Variants in LTBP3 observed in about 807,000 individuals in gnomAD.
LTBP3 encodes the protein latent transforming growth factor beta binding protein 3, also known as latent-transforming growth factor beta-binding protein 3.
LTBP3 carries 97 observed loss-of-function variants against 159.7 expected under a neutral mutation model. The observed-to-expected ratio is 0.61, with a 90% CI of 0.52 to 0.72. LTBP3 has a LOEUF of 0.72. LTBP3 is among the 30% of genes least tolerant of loss of function. LTBP3 has a pLI of 0.00. For synonymous variants in LTBP3, 824 were observed against 777.1 expected (o/e 1.06, Z -1.00); for missense variants, 1,584 against 1,864.3 (o/e 0.85, Z 2.77).
chr11:65,551,402 C>G lies in LTBP3; in HGVS notation c.1621G>C (p.Glu541Gln). The stretch of plus-strand genomic sequence containing the variant: ...CTCATCCCTACAGTGCCCAGCTCAC[C>G]GGGGTAGGGCCGGGCAGGAGTCGTG... ...ATTTPARPYPELISRPSPPTM... is the reference protein window; with the variant it reads ...ATTTPARPYPQLISRPSPPTM... Residue 541 changes from glutamate (E) to glutamine (Q), a missense_variant and splice_region_variant, in exon 10 of 28, where the codon GAG becomes CAG. By Grantham distance (29) the Glu-to-Gln change is conservative (BLOSUM62 2). Coordinates refer to ENST00000301873, the MANE Select transcript of LTBP3 (RefSeq NM_001130144.3). The G allele has an allele frequency of 3.1e-6, 5 of 1,612,924 alleles. No homozygotes were observed. The highest frequency in any genetic ancestry group is 1.1e-5 in the South Asian group (1 of 91,050).
In LTBP3 at chr11:65,546,728, C is replaced by A; in HGVS notation, c.2230+70G>T. 6.5e-7 allele frequency: 1 copy of A among 1,534,766 alleles called. No homozygotes were observed. Among genetic ancestry groups the A allele is most frequent in the Non-Finnish European group, 8.8e-7 (1 of 1,137,852 alleles). On this transcript the variant is annotated intron_variant, in intron 15 of 27. Coordinates refer to ENST00000301873, the MANE Select transcript of LTBP3 (RefSeq NM_001130144.3). The surrounding 1 kb of genome is among the most constrained non-coding windows in gnomAD (Gnocchi z 4.0). Reference sequence around the variant, plus strand: ...CAATCACCACCGCTACCCCGCCCCGCCCCCAGCGGAGCCAGACTGGGGGAG... The same window carrying A: ...CAATCACCACCGCTACCCCGCCCCGACCCCAGCGGAGCCAGACTGGGGGAG...
rs1433200814 is a variant in LTBP3, at chr11:65,540,003, T to C, written c.3385+10A>G. The C allele has an allele frequency of 6.7e-7, 1 of 1,489,694 alleles. No individual in the cohort carries two copies. The highest frequency in any genetic ancestry group is 8.9e-7 in the Non-Finnish European group (1 of 1,125,818). 92.3% of individuals were successfully genotyped at this position (1,489,694 alleles called of 1,614,324 possible). On this transcript the variant is annotated intron_variant, in intron 24 of 27. Coordinates refer to ENST00000301873, the MANE Select transcript of LTBP3 (RefSeq NM_001130144.3). ...CCCCGGGATCGGCCAAGGCCAACCCTCGCCCTCACCGGCCGGGCTCTCGGG... is the reference window on the plus strand; with the variant it reads ...CCCCGGGATCGGCCAAGGCCAACCCCCGCCCTCACCGGCCGGGCTCTCGGG...
rs575020965 is a variant in LTBP3 at position 65,551,002 on chromosome 11, G to A, written c.1720+124C>T. On this transcript the variant is annotated intron_variant, in intron 11 of 27. Coordinates refer to ENST00000301873, the MANE Select transcript of LTBP3 (RefSeq NM_001130144.3). The stretch of plus-strand genomic sequence containing the variant: ...CTCTGGTGCTCACCAGGCTTCCCCA[G>A]TGCCCAGCCCTGGATACACGCTAGC... 28 of 825,436 alleles carry A rather than the reference G, an allele frequency of 3.4e-5. No homozygotes were observed. The East Asian group carries it at 7.4e-4, about 22-fold the overall frequency. The allele number at this position is 825,436 out of a possible 1,614,324, so 51.1% of individuals were successfully genotyped here.
At position 65,546,423 on chromosome 11, in the gene LTBP3, C is replaced by G. The variant is rs1251276272; in HGVS notation, c.2353+19G>C. ...CGTAGGGGGCGGCGGAGGCCCGGGG[C>G]GGGGGTGCTGGCGCTCACCCAAGCA... On this transcript the variant is annotated intron_variant, in intron 16 of 27. Transcript: ENST00000301873. This position sits in a 1 kb window ranked among gnomAD's most constrained non-coding sequence, Gnocchi z 4.0. 3.9e-6 allele frequency: 6 copies of G among 1,531,886 alleles called. No homozygotes were observed. Among genetic ancestry groups the G allele is most frequent in the Non-Finnish European group, 5.2e-6 (6 of 1,145,338 alleles). The allele number at this position is 1,531,886 out of a possible 1,614,324, so 94.9% of individuals were successfully genotyped here. A position where few individuals can be genotyped will look rare whatever the true frequency, so the allele number is the denominator to read the frequency against.
chr11:65,540,743 G>T, intron 21 of LTBP3, 128 bp downstream of exon 21: 2 of 1,022,604 alleles, frequency 2.0e-6, no homozygotes, highest in South Asian at 3.5e-5. Context: ...ACAGGGCGGG[G>T]CCTGCGAGGA....
At position 65,540,998 on chromosome 11, in the gene LTBP3, A is replaced by AGC. The variant is rs752182757; in HGVS notation, c.2894-46_2894-45dup. ...CGTGGGGAGGGAAGAGGCAGGACTG[A>AGC]GCGCGCGCGTGGGCTTAGGGCTGCA... On this transcript the variant is annotated intron_variant, in intron 20 of 27. Coordinates refer to ENST00000301873, the MANE Select transcript of LTBP3 (RefSeq NM_001130144.3). 13 of 1,597,138 alleles carry AGC rather than the reference A, an allele frequency of 8.1e-6. No individual in the cohort carries two copies. In the South Asian group the frequency reaches 1.0e-4, roughly 12 times the overall value.
In LTBP3 at chr11:65,539,720, C is replaced by T; in HGVS notation, c.3547G>A (p.Gly1183Arg). 1.3e-6 allele frequency: 2 copies of T among 1,552,120 alleles called. No individual in the cohort carries two copies. The highest frequency in any genetic ancestry group is 1.7e-6 in the Non-Finnish European group (2 of 1,155,596). Residue 1183 changes from glycine (G) to arginine (R), a missense_variant and splice_region_variant, in exon 25 of 28, where the codon GGG (glycine) becomes AGG (arginine). Gly to Arg is a moderately radical substitution (Grantham distance 125). Transcript: ENST00000301873. ...QCRPCPPRGA[G>R]SHCPTSQSES... is the part of the protein sequence containing the mutation. ...GCCAACTCCTCCCCGACTGCCTTAC[C>T]CGCGCCGCGCGGCGGGCACGGTCGG...
In LTBP3 at chr11:65,547,903, G is replaced by A. The variant is rs1274592523; in HGVS notation, c.1846+17C>T. The A allele has an allele frequency of 1.5e-5, 25 of 1,613,554 alleles. No homozygotes were observed. The highest frequency in any genetic ancestry group is 4.5e-5 in the East Asian group (2 of 44,866). ...CCCCCCACCCACCTGCATGCCCGCC[G>A]CCTGCCCTGCGCTCACCCACGCAGT... On this transcript the variant is annotated intron_variant, in intron 12 of 27. Transcript: ENST00000301873. This position sits in a 1 kb window ranked among gnomAD's most constrained non-coding sequence, Gnocchi z 4.6.
Position 65,540,067 on chromosome 11 carries a change from G to T in LTBP3, c.3331C>A (p.Pro1111Thr). ...CGGCCGGAGGGCCCGGGCACCCAGGGCGGGCGACACTCGCAGCGGTAGGAG... is the reference window on the plus strand; with the variant it reads ...CGGCCGGAGGGCCCGGGCACCCAGGTCGGGCGACACTCGCAGCGGTAGGAG... ...PGSYRCECRP[P>T]WVPGPSGRDC... is the part of the protein sequence containing the mutation. The change falls in exon 24 of 28, where the codon CCC (proline) becomes ACC (threonine). Residue 1111 changes from proline to threonine, a missense_variant. By Grantham distance (38) the Pro-to-Thr change is conservative. This residue lies in a region of LTBP3 where 514 missense variants were observed against 530.3 expected (regional missense o/e 0.97). Coordinates refer to ENST00000301873, the MANE Select transcript of LTBP3 (RefSeq NM_001130144.3). 3 of 1,524,606 alleles carry T rather than the reference G, an allele frequency of 2.0e-6. No homozygotes were observed. In the South Asian group the frequency reaches 3.6e-5, roughly 18 times the overall value. 94.4% of individuals were successfully genotyped at this position (1,524,606 alleles called of 1,614,324 possible).
chr11:65,558,014 C>G lies in LTBP3; in HGVS notation c.-55G>C, dbSNP rs1856872701. 1 of 1,096,234 alleles carries G rather than the reference C, an allele frequency of 9.1e-7. No homozygotes were observed. Among genetic ancestry groups the G allele is most frequent in the Non-Finnish European group, 1.1e-6 (1 of 901,584 alleles). 67.9% of individuals were successfully genotyped at this position (1,096,234 alleles called of 1,614,324 possible). A position where few individuals can be genotyped will look rare whatever the true frequency, so the allele number is the denominator to read the frequency against. ...GCGCGCCCGGGCGGGGCGAGGGGCCCGCGCCCGAAGGGAGTAGAGGGCCGG... is the reference window on the plus strand; with the variant it reads ...GCGCGCCCGGGCGGGGCGAGGGGCCGGCGCCCGAAGGGAGTAGAGGGCCGG... On this transcript the variant is annotated 5_prime_UTR_variant, in exon 1 of 28. Coordinates refer to ENST00000301873, the MANE Select transcript of LTBP3 (RefSeq NM_001130144.3).
chr11:65,539,989 G>A (rs774131721), intron 24 of LTBP3, 24 bp downstream of exon 24: 2 of 1,473,134 alleles, frequency 1.4e-6, no homozygotes, highest in South Asian at 2.7e-5. Flanking sequence ...CCCGGGATCG[G>A]CCAAGGCCAA....
Position 65,543,489 on chromosome 11 carries a change from C to T in LTBP3, c.2414G>A (p.Gly805Glu). ...AGAGAGGCACTGACACTGGAAAGAT[C>T]CTGGCGTGTTGCTGCAGATGCCATT... is the stretch of plus-strand genomic sequence containing the variant. ...CDNGICSNTPGSFQCQCLSGY... is the reference protein window; with the variant it reads ...CDNGICSNTPESFQCQCLSGY... Residue 805 changes from glycine to glutamate, a missense_variant, in exon 17 of 28, where the codon GGA becomes GAA. Coordinates refer to ENST00000301873, the MANE Select transcript of LTBP3 (RefSeq NM_001130144.3). The T allele has an allele frequency of 6.2e-7, 1 of 1,614,120 alleles. No homozygotes were observed. The highest frequency in any genetic ancestry group is 8.5e-7 in the Non-Finnish European group (1 of 1,179,992).
At position 65,540,116 on chromosome 11, in the gene LTBP3, A is replaced by G. The variant is rs1250475618; in HGVS notation, c.3282T>C (p.Pro1094=). 1 of 1,525,982 alleles carries G rather than the reference A, an allele frequency of 6.6e-7. No homozygotes were observed. The highest frequency in any genetic ancestry group is 8.8e-7 in the Non-Finnish European group (1 of 1,140,036). 94.5% of individuals were successfully genotyped at this position (1,525,982 alleles called of 1,614,324 possible). A position where few individuals can be genotyped will look rare whatever the true frequency, so the allele number is the denominator to read the frequency against. ...AGCCCGGCAGGTTGACGCAGCGGCC[A>G]GGGCGGCAGGCTGCCGGGTCCTGGC... is the stretch of plus-strand genomic sequence containing the variant. The part of the protein sequence containing the change: ...DECQDPAACR[P]GRCVNLPGSY... Residue 1094 remains proline, a synonymous_variant, in exon 24 of 28, where the codon CCT becomes CCC. Transcript: ENST00000301873.
Position 65,547,863 on chromosome 11 carries a change from CGTT to C in LTBP3, c.1847-45_1847-43del. Reference sequence around the variant, plus strand: ...GGCCAAGAAAAGTCAAAGGAAGCGTCGTTATCTGGGGTCCCCCCCCACCCACCT... The same window carrying C: ...GGCCAAGAAAAGTCAAAGGAAGCGTCATCTGGGGTCCCCCCCCACCCACCT... On this transcript the variant is annotated intron_variant, in intron 12 of 27. Transcript: ENST00000301873. The surrounding 1 kb of genome is among the most constrained non-coding windows in gnomAD (Gnocchi z 4.6). The C allele has an allele frequency of 6.2e-7, 1 of 1,613,196 alleles. No individual in the cohort carries two copies. The highest frequency in any genetic ancestry group is 8.5e-7 in the Non-Finnish European group (1 of 1,179,948).
At position 65,540,272 on chromosome 11, in the gene LTBP3, G is replaced by A; in HGVS notation, c.3217C>T (p.Arg1073Cys). ...ATCTCTTCCGGGCTCAGGCACTGGC[G>A]CTGCGCGGGACTGTACTCGGCAGGG... ...TPPAEYSPAQ[R>C]QCLSPEEMDV... Residue 1073 changes from arginine (R) to cysteine (C), a missense_variant, in exon 23 of 28, where the codon CGC becomes TGC. Physicochemically the swap from Arg to Cys is radical, Grantham distance 180. Coordinates refer to ENST00000301873, the MANE Select transcript of LTBP3 (RefSeq NM_001130144.3). 1 of 1,553,508 alleles carries A rather than the reference G, an allele frequency of 6.4e-7. No homozygotes were observed.
intron 11 of LTBP3, 136 bp downstream of exon 11, chr11:65,550,990 C>T (rs1055052476): frequency 2.7e-6 from 2 of 752,740 alleles, no homozygotes; most frequent in Non-Finnish European, 4.6e-6. Flanking sequence ...TGGTGCTCAC[C>T]AGGCTTCCCC....
At chr11:65,549,567 C>CTTTTTTTTTTTTTTTTTTT (rs748132211) in intron 11 of LTBP3, among the ~76,000 whole-genome samples, 6 of 64,746 alleles carry the variant, frequency 9.3e-5, no homozygotes, top group Non-Finnish European at 1.3e-4. Context: ...CCCAGCTAAT[C>CTTTTTTTTTTTTTTTTTTT]TTTTTTTTTT....
At chr11:65,548,180 C>G (rs1856463290) in intron 11 of LTBP3, 135 bp from the exon 12 acceptor site, 1 of 1,309,612 alleles carries the variant, frequency 7.6e-7, no homozygotes, top group South Asian at 1.2e-5. Context: ...CCAGGATGTC[C>G]TATTTCTCTC....
chr11:65,549,959 C>A (rs1451131010), intron 11 of LTBP3, among the ~76,000 whole-genome samples: 1 of 151,964 alleles, frequency 6.6e-6, no homozygotes, highest in African/African-American at 2.4e-5. Context: ...GAAAGGAACC[C>A]AAATATTTCT....
Sources: gnomAD v4.1 joint callset for allele counts (sites outside exome capture counted in the v4.1 genomes callset) on GRCh38, gnomAD v4.1.1 for gene constraint, gnomAD v4.1.1 regional missense constraint, Gnocchi (gnomAD v3.1) non-coding constraint, MANE v1.5 for transcripts, NCBI Gene and HGNC (gene_info 2026-07-23, HGNC 2026-07-21) for gene names.